SLC5A1: variants seen among roughly 807,000 people sequenced by gnomAD.
SLC5A1 encodes the protein solute carrier family 5 member 1.
SLC5A1 carries 42 observed loss-of-function variants against 73.5 expected under a neutral mutation model. The ratio of observed to expected loss-of-function variants is 0.57; its 90% CI spans 0.45 to 0.74. The LOEUF (loss-of-function observed/expected upper bound fraction) is 0.74, where lower values mean the gene tolerates loss of function less well. Among genes scored for constraint, SLC5A1 ranks in the 30% least tolerant of loss-of-function variants. The probability of loss-of-function intolerance (pLI) is 0.00; values close to 1 mark genes in which losing one functional copy is unlikely to be tolerated. For missense variants in SLC5A1, 634 were observed against 855.4 expected (o/e 0.74, Z 3.23); for synonymous variants, 300 against 317.4 (o/e 0.95, Z 0.58).
intron 1 of SLC5A1, among the ~76,000 whole-genome samples, chr22:32,044,339 A>G (rs1298091882): frequency 6.6e-6 from 1 of 152,074 alleles, no homozygotes; most frequent in Non-Finnish European, 1.5e-5. Flanking sequence ...AAAAATATAT[A>G]AAATGTTTGC....
chr22:32,077,617 A>C (rs1250956654), intron 5 of SLC5A1, among the ~76,000 whole-genome samples: 1 of 152,200 alleles, frequency 6.6e-6, no homozygotes, highest in African/African-American at 2.4e-5. Context: ...AGGAATGCAG[A>C]AAGAATATAG....
chr22:32,086,378 G>T (rs570768402), intron 10 of SLC5A1, 51 bp downstream of exon 10: 2 of 1,233,788 alleles, frequency 1.6e-6, no homozygotes, highest in East Asian at 4.7e-5. Context: ...GAGGCTGATT[G>T]GGTTTAGGCA....
chr22:32,069,528 AAAG>A (rs1393358725), intron 5 of SLC5A1, among the ~76,000 whole-genome samples: 1 of 152,172 alleles, frequency 6.6e-6, no homozygotes, highest in Non-Finnish European at 1.5e-5. Flanking sequence ...AAAAAAAAAA[AAAG>A]ATTTTTAAGT....
chr22:32,103,141 C>A (rs1021161033), intron 13 of SLC5A1, among the ~76,000 whole-genome samples: 2 of 152,172 alleles, frequency 1.3e-5, no homozygotes, highest in Non-Finnish European at 2.9e-5. Context: ...CTTTGAGGAA[C>A]TTCCATAGTG....
intron 5 of SLC5A1, among the ~76,000 whole-genome samples, chr22:32,074,921 G>T (rs979510985): frequency 1.3e-5 from 2 of 152,100 alleles, no homozygotes; most frequent in African/African-American, 4.8e-5. Flanking sequence ...TACTGAGATA[G>T]GGTATTGCTC....
chr22:32,060,827 C>G (rs2093961340), intron 2 of SLC5A1, among the ~76,000 whole-genome samples: 1 of 152,108 alleles, frequency 6.6e-6, no homozygotes, highest in Non-Finnish European at 1.5e-5. Context: ...ACCTCAACCT[C>G]CCAAAGTATT....
In SLC5A1 at chr22:32,043,263, A is replaced by C; in HGVS notation, c.-19A>C. ...GAGCTAGCGGCCCTGGCGAGAGGGAAGGACGCAACGCTGCCACCATGGACA... is the reference window on the plus strand; with the variant it reads ...GAGCTAGCGGCCCTGGCGAGAGGGACGGACGCAACGCTGCCACCATGGACA... On this transcript the variant is annotated 5_prime_UTR_variant, in exon 1 of 15. Coordinates refer to ENST00000266088, the MANE Select transcript of SLC5A1 (RefSeq NM_000343.4). The surrounding 1 kb of genome is among the most constrained non-coding windows in gnomAD (Gnocchi z 6.5). 1 of 1,613,304 alleles carries C rather than the reference A, an allele frequency of 6.2e-7. No homozygotes were observed. The highest frequency in any genetic ancestry group is 1.1e-5 in the South Asian group (1 of 91,070).
chr22:32,091,895 G>A, intron 11 of SLC5A1, 133 bp downstream of exon 11: 1 of 778,570 alleles, frequency 1.3e-6, no homozygotes, highest in South Asian at 1.5e-5. Flanking sequence ...GGTTATATGT[G>A]CCATTTGGTG....
At chr22:32,102,307 A>G (rs1193342316) in intron 13 of SLC5A1, 70 bp downstream of exon 13, 1 of 1,163,806 alleles carries the variant, frequency 8.6e-7, no homozygotes, top group Non-Finnish European at 1.3e-6. Context: ...TTTTTTTTAA[A>G]TTTTTCATTA....
At chr22:32,082,042 A>G (rs551199065) in intron 6 of SLC5A1, 71 bp downstream of exon 6, 1 of 971,938 alleles carries the variant, frequency 1.0e-6, no homozygotes, top group South Asian at 1.3e-5. Context: ...GATAAAGGGA[A>G]GTAGGAGAGG....
chr22:32,107,189 C>T (rs1202524225), intron 14 of SLC5A1, among the ~76,000 whole-genome samples: 2 of 152,180 alleles, frequency 1.3e-5, no homozygotes, highest in Non-Finnish European at 2.9e-5. Flanking sequence ...CAGGCAGGAA[C>T]ATGCCCTCTA....
chr22:32,093,110 C>G (rs922167496), intron 11 of SLC5A1, among the ~76,000 whole-genome samples: 3 of 151,994 alleles, frequency 2.0e-5, no homozygotes, highest in Non-Finnish European at 2.9e-5. Flanking sequence ...TTAGTTGGCT[C>G]TAAGTATTTG....
chr22:32,104,616 C>T (rs578234796), intron 13 of SLC5A1, among the ~76,000 whole-genome samples, 170 bp from the exon 14 acceptor site: 1 of 152,232 alleles, frequency 6.6e-6, no homozygotes, highest in South Asian at 2.1e-4. Flanking sequence ...TCTAAGTTAC[C>T]AATGTTTTTA....
intron 5 of SLC5A1, among the ~76,000 whole-genome samples, chr22:32,081,178 G>A (rs2093999266): frequency 6.6e-6 from 1 of 152,070 alleles, no homozygotes; most frequent in Admixed American, 6.6e-5. Flanking sequence ...GAGACAGGAA[G>A]GAGGAGAAAG....
intron 2 of SLC5A1, among the ~76,000 whole-genome samples, chr22:32,062,667 C>T (rs764664582): frequency 1.3e-5 from 2 of 152,134 alleles, no homozygotes; most frequent in African/African-American, 2.4e-5. Flanking sequence ...TGATGATTGA[C>T]GGCACTGGGT....
intron 1 of SLC5A1, among the ~76,000 whole-genome samples, chr22:32,047,313 T>C (rs935300429): frequency 2.0e-5 from 3 of 152,222 alleles, no homozygotes; most frequent in Non-Finnish European, 4.4e-5. Context: ...TCCTGAATTA[T>C]TTCAGCTCCC....
intron 1 of SLC5A1, among the ~76,000 whole-genome samples, chr22:32,049,169 A>G: frequency 7.0e-5 from 1 of 14,256 alleles, no homozygotes; most frequent in African/African-American, 8.0e-4. Flanking sequence ...TATAATCTAT[A>G]TCTATATCTA....
chr22:32,081,266 T>A (rs2093999375), intron 5 of SLC5A1, among the ~76,000 whole-genome samples: 1 of 152,268 alleles, frequency 6.6e-6, no homozygotes, highest in East Asian at 1.9e-4. Context: ...TGAAATAATC[T>A]AAATAAAACC....
chr22:32,047,927 G>A (rs965705916), intron 1 of SLC5A1, among the ~76,000 whole-genome samples: 2 of 152,080 alleles, frequency 1.3e-5, no homozygotes, highest in Admixed American at 6.6e-5. Flanking sequence ...TTCGGAAGCC[G>A]AGGCGGGCAG....
Sources: allele counts gnomAD v4.1 joint callset (sites outside exome capture counted in the v4.1 genomes callset), GRCh38; gene constraint gnomAD v4.1.1; non-coding constraint Gnocchi (gnomAD v3.1); transcripts MANE v1.5; gene names NCBI Gene and HGNC (gene_info 2026-07-23, HGNC 2026-07-21).